The following SMAP1 variants were observed in gnomAD, a reference collection of about 807,000 sequenced individuals.
The protein encoded by SMAP1 is small ArfGAP 1.
A neutral mutation model predicts 58.5 loss-of-function variants in SMAP1; 24 were observed. The ratio of observed to expected loss-of-function variants is 0.41; its 90% CI spans 0.30 to 0.58. The LOEUF is 0.58. SMAP1 is among the 20% of genes least tolerant of loss of function. The pLI is 0.29. For synonymous variants in SMAP1, 216 were observed against 196.6 expected, an observed-to-expected ratio of 1.10 and a Z score of -0.82; for missense variants, 563 against 566.3, an observed-to-expected ratio of 0.99 and a Z score of 0.06.
At chr6:70,842,413 C>G (rs1003488347) in intron 7 of SMAP1, among the ~76,000 whole-genome samples, 4 of 152,218 alleles carry the variant, frequency 2.6e-5, no homozygotes, top group East Asian at 1.9e-4. Context: ...GCAAGTGGTC[C>G]TGAGTCAGTA....
At chr6:70,723,275 T>C (rs567457897) in intron 1 of SMAP1, among the ~76,000 whole-genome samples, 42 of 152,286 alleles carry the variant, frequency 2.8e-4, no homozygotes, top group African/African-American at 9.9e-4. Flanking sequence ...TATAGGCACA[T>C]GCCATTGCAC....
intron 6 of SMAP1, among the ~76,000 whole-genome samples, chr6:70,819,436 A>G (rs966658704): frequency 6.6e-6 from 1 of 152,130 alleles, no homozygotes; most frequent in Non-Finnish European, 1.5e-5. Flanking sequence ...CATTCATGAT[A>G]GTTTCATTCA....
intron 1 of SMAP1, among the ~76,000 whole-genome samples, chr6:70,697,036 A>G (rs1422628339): frequency 6.6e-6 from 1 of 152,176 alleles, no homozygotes; most frequent in African/African-American, 2.4e-5. Context: ...TTTGTCCAAT[A>G]TAAGCTACTC....
At chr6:70,771,076 C>A in intron 3 of SMAP1, among the ~76,000 whole-genome samples, 1 of 152,178 alleles carries the variant, frequency 6.6e-6, no homozygotes, top group East Asian at 1.9e-4. Flanking sequence ...TTTTCGTGAA[C>A]CATGAATGCT....
intron 7 of SMAP1, among the ~76,000 whole-genome samples, chr6:70,851,609 T>G (rs982732219): frequency 6.6e-6 from 1 of 152,182 alleles, no homozygotes; most frequent in South Asian, 2.1e-4. Flanking sequence ...AAACTGAACC[T>G]TGTGAGATGT....
rs146585899 is a variant in SMAP1 at position 70,852,504 on chromosome 6, A to G, written c.665-36A>G. 277 of 1,452,420 alleles carry G rather than the reference A, an allele frequency of 1.9e-4. 2 individuals carry two copies. The East Asian group carries it at 7.1e-3, about 37-fold the overall frequency. The allele number at this position is 1,452,420 out of a possible 1,614,324, so 90.0% of individuals were successfully genotyped here. ...TGCCATGTTTCAAGTAATTTAAGAT[A>G]TTCTACGTTAAGACGAGAATCTATA... On this transcript the variant is annotated intron_variant, in intron 7 of 10. Transcript: ENST00000370455.
chr6:70,750,700 A>G (rs1025791489), intron 2 of SMAP1, among the ~76,000 whole-genome samples: 1 of 152,172 alleles, frequency 6.6e-6, no homozygotes, highest in African/African-American at 2.4e-5. Flanking sequence ...TTATGTGGGG[A>G]AACTAAAAAC....
At chr6:70,725,093 G>GTTTTTTTTGTTTTTTTTTTTT (rs1768710676) in intron 1 of SMAP1, among the ~76,000 whole-genome samples, 1 of 47,778 alleles carries the variant, frequency 2.1e-5, no homozygotes. Flanking sequence ...ATTAACCAGT[G>GTTTTTTTTGTTTTTTTTTTTT]TTTTTTTTTT....
At chr6:70,850,724 G>GA (rs1045008707) in intron 7 of SMAP1, among the ~76,000 whole-genome samples, 2 of 151,886 alleles carry the variant, frequency 1.3e-5, no homozygotes, top group Admixed American at 1.3e-4. Flanking sequence ...TTCCTTTACT[G>GA]AAGTGTAGAT....
chr6:70,798,329 AT>A (rs948734473), intron 5 of SMAP1, among the ~76,000 whole-genome samples: 10 of 151,926 alleles, frequency 6.6e-5, no homozygotes, highest in African/African-American at 2.4e-4. Flanking sequence ...GTCTAACCTA[AT>A]AAAAGGATAT....
intron 6 of SMAP1, among the ~76,000 whole-genome samples, chr6:70,804,871 T>C (rs958757396): frequency 3.3e-5 from 5 of 152,224 alleles, no homozygotes; most frequent in Non-Finnish European, 5.9e-5. Context: ...GATCTGCTGT[T>C]AGTCTGATGG....
Position 70,725,093 on chromosome 6 carries a change from G to GTTTTTTTTTTTTTTTTTTTT in SMAP1, c.119-7263_119-7244dup, listed in dbSNP as rs745587315. On this transcript the variant is annotated intron_variant, in intron 1 of 10. Transcript: ENST00000370455. ...GACTCCATATCCTAAATTAACCAGT[G>GTTTTTTTTTTTTTTTTTTTT]TTTTTTTTTTTTTTTTTTTTTTTTT... Among the ~76,000 whole-genome samples, 7 of 47,822 alleles carry GTTTTTTTTTTTTTTTTTTTT rather than the reference G, an allele frequency of 1.5e-4. 3 individuals are homozygous for GTTTTTTTTTTTTTTTTTTTT. The highest frequency in any genetic ancestry group is 2.0e-4 in the Non-Finnish European group (5 of 24,998). The allele number at this position is 47,822 out of a possible 152,430, so 31.4% of individuals were successfully genotyped here.
chr6:70,858,078 C>G lies in SMAP1; in HGVS notation c.1118C>G (p.Pro373Arg). ...SPSMMVGMPM[P>R]NGFMGNAQTG... The stretch of plus-strand genomic sequence containing the variant: ...AGCATGATGGTGGGCATGCCCATGC[C>G]CAATGGGTTTATGGGAAATGCACAA... The change falls in exon 10 of 11, where the codon CCC (proline) becomes CGC (arginine). Residue 373 changes from proline to arginine, a missense_variant. This residue lies in a region of SMAP1 where 494 missense variants were observed against 473.8 expected (regional missense o/e 1.04). Coordinates refer to ENST00000370455, the MANE Select transcript of SMAP1 (RefSeq NM_001044305.3). 1.2e-6 allele frequency: 2 copies of G among 1,614,044 alleles called. No individual in the cohort carries two copies. Among genetic ancestry groups the G allele is most frequent in the Non-Finnish European group, 1.7e-6 (2 of 1,179,998 alleles).
At chr6:70,687,228 T>G (rs1454926615) in intron 1 of SMAP1, among the ~76,000 whole-genome samples, 4 of 152,304 alleles carry the variant, frequency 2.6e-5, no homozygotes, top group African/African-American at 9.6e-5. Context: ...TTTTAAATTT[T>G]AAAAAATGAG....
At chr6:70,798,617 T>A (rs763705029) in intron 5 of SMAP1, 40 bp from the exon 6 acceptor site, 6 of 1,469,688 alleles carry the variant, frequency 4.1e-6, no homozygotes, top group African/African-American at 1.5e-5. Flanking sequence ...TGCCATTTTT[T>A]AAAAAAGTAA....
intron 3 of SMAP1, among the ~76,000 whole-genome samples, chr6:70,756,238 G>T (rs188333898): frequency 6.6e-5 from 10 of 152,094 alleles, no homozygotes; most frequent in Non-Finnish European, 7.4e-5. Context: ...GTTTATTAAC[G>T]ATCAATTATA....
At chr6:70,729,764 A>T (rs1765351401) in intron 1 of SMAP1, among the ~76,000 whole-genome samples, 1 of 152,066 alleles carries the variant, frequency 6.6e-6, no homozygotes, top group Non-Finnish European at 1.5e-5. Flanking sequence ...TACTGCTGCC[A>T]CATTTATCAG....
At chr6:70,744,541 A>G (rs1218918829) in intron 2 of SMAP1, among the ~76,000 whole-genome samples, 2 of 152,218 alleles carry the variant, frequency 1.3e-5, no homozygotes, top group Non-Finnish European at 2.9e-5. Context: ...CATGGTGTAC[A>G]TATGCCATGT....
intron 6 of SMAP1, among the ~76,000 whole-genome samples, chr6:70,832,773 A>G (rs1770414841): frequency 6.6e-6 from 1 of 152,154 alleles, no homozygotes; most frequent in African/African-American, 2.4e-5. Context: ...TAACTAACCT[A>G]TGCCTGTGGT....
Sources: gnomAD v4.1 joint callset for allele counts (sites outside exome capture counted in the v4.1 genomes callset) on GRCh38, gnomAD v4.1.1 for gene constraint, gnomAD v4.1.1 regional missense constraint, MANE v1.5 for transcripts, NCBI Gene and HGNC (gene_info 2026-07-23, HGNC 2026-07-21) for gene names.